The following KDM4C variants were observed in gnomAD, a reference collection of about 807,000 sequenced individuals.
KDM4C encodes the protein lysine demethylase 4C, also known as lysine-specific demethylase 4C.
In KDM4C, 81 loss-of-function variants were observed where a neutral mutation model predicts 129.3. That is an observed-to-expected ratio of 0.63 (90% CI 0.52 to 0.75). The LOEUF (loss-of-function observed/expected upper bound fraction) is 0.75, where lower values mean the gene tolerates loss of function less well. Among genes scored for constraint, KDM4C ranks in the 30% least tolerant of loss-of-function variants. The pLI is 0.00. For missense variants in KDM4C, 1,457 were observed against 1,304.0 expected (o/e 1.12, Z -1.81); for synonymous variants, 573 against 456.1 (o/e 1.26, Z -3.26).
At chr9:6,815,354 A>G (rs997598913) in intron 4 of KDM4C, among the ~76,000 whole-genome samples, 2 of 151,870 alleles carry the variant, frequency 1.3e-5, no homozygotes, top group Admixed American at 6.6e-5. Flanking sequence ...CTCTCTCATT[A>G]TTTTCTTTTT....
At chr9:6,900,748 T>C (rs1010315988) in intron 8 of KDM4C, among the ~76,000 whole-genome samples, 2 of 152,338 alleles carry the variant, frequency 1.3e-5, no homozygotes, top group Admixed American at 1.3e-4. Context: ...CTCTGAGGCT[T>C]TGACTTTGCT....
At chr9:6,886,584 C>T (rs1271630994) in intron 6 of KDM4C, among the ~76,000 whole-genome samples, 3 of 151,626 alleles carry the variant, frequency 2.0e-5, no homozygotes, top group East Asian at 1.9e-4. Context: ...CTCTACCTCC[C>T]GGGTTCAAGC....
At chr9:6,884,334 C>T (rs1844925262) in intron 6 of KDM4C, among the ~76,000 whole-genome samples, 1 of 152,174 alleles carries the variant, frequency 6.6e-6, no homozygotes, top group Non-Finnish European at 1.5e-5. Flanking sequence ...TCTCTGCATA[C>T]AATGTAGGTC....
intron 15 of KDM4C, among the ~76,000 whole-genome samples, chr9:7,035,575 A>G (rs1370808029): frequency 6.6e-6 from 1 of 151,924 alleles, no homozygotes; most frequent in Non-Finnish European, 1.5e-5. Context: ...CAATGTCCTG[A>G]AGTGTTTCCC....
intron 18 of KDM4C, among the ~76,000 whole-genome samples, chr9:7,116,911 T>C (rs1005143703): frequency 1.3e-5 from 2 of 152,214 alleles, no homozygotes; most frequent in African/African-American, 4.8e-5. Flanking sequence ...CCCATCTTTG[T>C]TGGGGACAGT....
At chr9:7,115,534 A>G (rs1172849983) in intron 18 of KDM4C, among the ~76,000 whole-genome samples, 2 of 152,238 alleles carry the variant, frequency 1.3e-5, no homozygotes, top group African/African-American at 4.8e-5. Context: ...GAGGTAGGAT[A>G]TTCAATTCCT....
At chr9:7,019,723 TATTTTTATATATAAAAATATA>T (rs1563993030) in intron 15 of KDM4C, among the ~76,000 whole-genome samples, 4 of 107,968 alleles carry the variant, frequency 3.7e-5, no homozygotes, top group African/African-American at 1.2e-4. Context: ...AAAAATATAA[TATTTTTATATATAAAAATATA>T]ATATTTTTAT....
chr9:6,881,917 G>C (rs946924), intron 6 of KDM4C, among the ~76,000 whole-genome samples: 94,218 of 152,050 alleles, frequency 0.62, 29,670 homozygotes, highest in East Asian at 0.89. Context: ...ATGTCTAGCT[G>C]ATAGCAACAC....
At chr9:6,846,497 T>TG (rs1310383129) in intron 4 of KDM4C, among the ~76,000 whole-genome samples, 2 of 152,174 alleles carry the variant, frequency 1.3e-5, no homozygotes, top group Non-Finnish European at 2.9e-5. Context: ...GTCAGATAGC[T>TG]AGTTTAATAG....
intron 8 of KDM4C, among the ~76,000 whole-genome samples, chr9:6,964,286 G>A (rs1002549075): frequency 3.4e-5 from 5 of 148,774 alleles, no homozygotes; most frequent in African/African-American, 1.2e-4. Flanking sequence ...TCCCCATCCT[G>A]TGTCCAAGCG....
chr9:6,856,922 T>G (rs535493315), intron 5 of KDM4C, among the ~76,000 whole-genome samples: 21 of 152,070 alleles, frequency 1.4e-4, no homozygotes, highest in African/African-American at 4.3e-4. Flanking sequence ...CGCGCCCGGC[T>G]AATTTTTTGT....
chr9:6,837,473 C>T (rs1359300703), intron 4 of KDM4C, among the ~76,000 whole-genome samples: 1 of 152,204 alleles, frequency 6.6e-6, no homozygotes, highest in African/African-American at 2.4e-5. Flanking sequence ...AGTCGCAGAA[C>T]ATTTCCATCA....
chr9:7,092,891 G>C (rs988706107), intron 17 of KDM4C, among the ~76,000 whole-genome samples: 1 of 152,090 alleles, frequency 6.6e-6, no homozygotes, highest in African/African-American at 2.4e-5. Flanking sequence ...TTTAAATATT[G>C]AGAAGATTCC....
chr9:6,814,917 C>T lies in KDM4C; in HGVS notation c.435+172C>T, dbSNP rs960741729. The T allele has an allele frequency of 1.9e-5, 8 of 428,836 alleles. No individual in the cohort carries two copies. In the Admixed American group the frequency reaches 3.0e-4, roughly 16 times the overall value. The allele number at this position is 428,836 out of a possible 1,614,324, so 26.6% of individuals were successfully genotyped here. ...ATTTCTGCTGCTGGTATTTTTCAAACTGAAGCTAGATAATCGTACAAATAC... is the reference window on the plus strand; with the variant it reads ...ATTTCTGCTGCTGGTATTTTTCAAATTGAAGCTAGATAATCGTACAAATAC... On this transcript the variant is annotated intron_variant, in intron 4 of 21. Coordinates refer to ENST00000381309, the MANE Select transcript of KDM4C (RefSeq NM_015061.6).
intron 19 of KDM4C, among the ~76,000 whole-genome samples, chr9:7,150,989 G>T (rs1021998112): frequency 1.3e-5 from 2 of 152,064 alleles, no homozygotes; most frequent in African/African-American, 4.8e-5. Context: ...TCCACTTTGG[G>T]CTCATCATTG....
At chr9:6,820,827 C>T (rs1429717517) in intron 4 of KDM4C, among the ~76,000 whole-genome samples, 1 of 151,268 alleles carries the variant, frequency 6.6e-6, no homozygotes, top group African/African-American at 2.4e-5. Flanking sequence ...CCCATCAACT[C>T]ATCATTCACA....
chr9:6,840,953 C>A (rs1836809734), intron 4 of KDM4C, among the ~76,000 whole-genome samples: 1 of 152,132 alleles, frequency 6.6e-6, no homozygotes, highest in Non-Finnish European at 1.5e-5. Context: ...CTTGGAAAGA[C>A]CAAGAGCACA....
chr9:6,842,518 T>C (rs1837146533), intron 4 of KDM4C, among the ~76,000 whole-genome samples: 1 of 151,750 alleles, frequency 6.6e-6, no homozygotes, highest in South Asian at 2.1e-4. Flanking sequence ...TTTGTATTTT[T>C]AGTAGAGATG....
At chr9:6,878,992 T>C (rs907603215) in intron 5 of KDM4C, among the ~76,000 whole-genome samples, 6 of 152,236 alleles carry the variant, frequency 3.9e-5, no homozygotes, top group African/African-American at 1.4e-4. Context: ...CAACAGGATA[T>C]ATGATTGAAT....
Sources: allele counts gnomAD v4.1 joint callset (sites outside exome capture counted in the v4.1 genomes callset), GRCh38; gene constraint gnomAD v4.1.1; transcripts MANE v1.5; gene names NCBI Gene and HGNC (gene_info 2026-07-23, HGNC 2026-07-21).